COPS4: variants seen among roughly 807,000 people sequenced by gnomAD.
The protein encoded by COPS4 is COP9 signalosome subunit 4, also known as COP9 signalosome complex subunit 4.
In COPS4, 8 loss-of-function variants were observed where a neutral mutation model predicts 55.1. The ratio of observed to expected loss-of-function variants is 0.15; its 90% CI spans 0.09 to 0.26. COPS4 has a LOEUF of 0.26. Ranked by LOEUF, COPS4 falls within the 10% of genes least tolerant of loss-of-function variation. The probability of loss-of-function intolerance (pLI) is 1.00; values close to 1 mark genes in which losing one functional copy is unlikely to be tolerated. For synonymous variants in COPS4, 185 were observed against 165.7 expected (o/e 1.12, Z -0.90); for missense variants, 248 against 484.0 (o/e 0.51, Z 4.58).
chr4:83,072,530 A>T (rs536118372), intron 9 of COPS4, among the ~76,000 whole-genome samples: 4 of 151,822 alleles, frequency 2.6e-5, no homozygotes, highest in Non-Finnish European at 5.9e-5. Context: ...ATTAGGAAAG[A>T]CTCTTCTACC....
At chr4:83,045,537 G>A (rs533277618) in intron 1 of COPS4, 89 bp from the exon 2 acceptor site, 2 of 1,006,938 alleles carry the variant, frequency 2.0e-6, no homozygotes, top group South Asian at 1.4e-5. Flanking sequence ...AAGAAACCAA[G>A]GTATGTAGAA....
At chr4:83,054,932 C>G (rs1015158039) in intron 4 of COPS4, among the ~76,000 whole-genome samples, 1 of 151,976 alleles carries the variant, frequency 6.6e-6, no homozygotes, top group Non-Finnish European at 1.5e-5. Flanking sequence ...TTACACTTGG[C>G]AAAAAATTGG....
intron 9 of COPS4, among the ~76,000 whole-genome samples, chr4:83,071,799 C>T (rs1731437780): frequency 6.6e-6 from 1 of 151,964 alleles, no homozygotes; most frequent in South Asian, 2.1e-4. Flanking sequence ...GCAACCTCCA[C>T]CTCTTGGGTT....
rs746751702 is a variant in COPS4 at position 83,056,935 on chromosome 4, T to C, written c.420T>C (p.Asn140=). 7.6e-5 allele frequency: 123 copies of C among 1,612,156 alleles called. No individual in the cohort carries two copies. The Admixed American group carries it at 2.0e-3, about 26-fold the overall frequency. Residue 140 remains asparagine (N), a synonymous_variant, in exon 5 of 10, where the codon AAT becomes AAC. Coordinates refer to ENST00000264389, the MANE Select transcript of COPS4 (RefSeq NM_016129.3). ...TTCTGTTACATCCTAGACAGTACAA[T>C]GTAGATTATAAACTGGAGACTTACT... ...IPLETGQKQY[N]VDYKLETYLK... is the part of the protein sequence containing the mutation.
At chr4:83,045,736 T>A (rs775816410) in intron 2 of COPS4, 31 bp downstream of exon 2, 10 of 1,477,668 alleles carry the variant, frequency 6.8e-6, no homozygotes, top group Non-Finnish European at 9.5e-6. Context: ...ATGCTTGCCT[T>A]GTATTACTGA....
chr4:83,041,833 C>T (rs955813605), intron 1 of COPS4, among the ~76,000 whole-genome samples: 1 of 151,362 alleles, frequency 6.6e-6, no homozygotes, highest in South Asian at 2.1e-4. Context: ...TCAGTTTTAT[C>T]ATAACTTTTG....
intron 1 of COPS4, among the ~76,000 whole-genome samples, chr4:83,038,112 G>A (rs578220775): frequency 1.3e-5 from 2 of 152,310 alleles, no homozygotes; most frequent in East Asian, 3.9e-4. Flanking sequence ...AGCCACAACG[G>A]AGGATAGACT....
chr4:83,056,992 T>C lies in COPS4; in HGVS notation c.477T>C (p.Asp159=). The C allele has an allele frequency of 6.2e-7, 1 of 1,613,680 alleles. No homozygotes were observed. The highest frequency in any genetic ancestry group is 8.5e-7 in the Non-Finnish European group (1 of 1,179,566). Residue 159 remains aspartate, a synonymous_variant, in exon 5 of 10, where the codon GAT becomes GAC. Transcript: ENST00000264389. ...LKIARLYLED[D]DPVQAEAYIN... ...TTGCTAGGCTATATCTGGAGGATGA[T>C]GATCCAGTCCAGGCAGAGGCTTACA...
chr4:83,035,278 T>C lies in COPS4; in HGVS notation c.54T>C (p.Ser18=). The change falls in exon 1 of 10, where the codon TCT becomes TCC. Residue 18 remains serine (S), a synonymous_variant. Transcript: ENST00000264389. ...DLAQLMNSSG[S]HKDLAGKYRQ... ...CCCAGCTCATGAATTCGAGCGGCTC[T>C]CATAAAGATCTGGCTGGCAAGTGAG... is the stretch of plus-strand genomic sequence containing the variant. 1 of 1,566,668 alleles carries C rather than the reference T, an allele frequency of 6.4e-7. No individual in the cohort carries two copies. Among genetic ancestry groups the C allele is most frequent in the Non-Finnish European group, 8.7e-7 (1 of 1,149,708 alleles).
chr4:83,057,555 A>T lies in COPS4; in HGVS notation c.715+147A>T, dbSNP rs184004851. 16 of 581,958 alleles carry T rather than the reference A, an allele frequency of 2.7e-5. No individual in the cohort carries two copies. The African/African-American group carries it at 3.0e-4, about 11-fold the overall frequency. The allele number at this position is 581,958 out of a possible 1,614,324, so 36.0% of individuals were successfully genotyped here. On this transcript the variant is annotated intron_variant, in intron 6 of 9. Transcript: ENST00000264389. ...TATGGTAAATGTAGTTTAAGTGTTT[A>T]AAAACAGAAATAAAATGATTTGTTA...
intron 9 of COPS4, among the ~76,000 whole-genome samples, chr4:83,071,024 A>G (rs1470438485): frequency 6.6e-6 from 1 of 152,132 alleles, no homozygotes; most frequent in African/African-American, 2.4e-5. Context: ...CCCATGTCTC[A>G]ATTTGAATAT....
At chr4:83,036,130 C>T (rs1409600001) in intron 1 of COPS4, 2 of 152,070 alleles carry the variant, frequency 1.3e-5, no homozygotes, top group South Asian at 4.2e-4. Context: ...CTCTCTAGGC[C>T]GGGTGCAGTG....
intron 4 of COPS4, among the ~76,000 whole-genome samples, chr4:83,051,828 G>T (rs999444431): frequency 6.6e-6 from 1 of 152,204 alleles, no homozygotes; most frequent in Non-Finnish European, 1.5e-5. Flanking sequence ...ACTGAGTATA[G>T]TGAGGCCTGG....
At chr4:83,048,626 G>A (rs6850766) in intron 2 of COPS4, among the ~76,000 whole-genome samples, 151,530 of 152,220 alleles carry the variant, frequency 1, 75,421 homozygotes, top group Middle Eastern at 1. Flanking sequence ...TGTTTTTTAA[G>A]ATTTTTTAAT....
rs1328336252 is a variant in COPS4, at chr4:83,063,007, GT to G, written c.716-60del. On this transcript the variant is annotated intron_variant, in intron 6 of 9. Transcript: ENST00000264389. ...AGACAAAAATGAGGTCATAAGATAG[GT>G]TTTTTTTTCCTGAAGAAACATTGTG... 4.5e-5 allele frequency: 59 copies of G among 1,321,536 alleles called. No homozygotes were observed. The Middle Eastern group carries it at 8.2e-4, about 18-fold the overall frequency. 81.9% of individuals were successfully genotyped at this position (1,321,536 alleles called of 1,614,324 possible).
intron 7 of COPS4, among the ~76,000 whole-genome samples, chr4:83,063,832 C>T (rs1731233893): frequency 6.6e-6 from 1 of 152,068 alleles, no homozygotes; most frequent in Admixed American, 6.5e-5. Context: ...ACTTCAGCCT[C>T]CCAAGTAGCT....
At position 83,063,195 on chromosome 4, in the gene COPS4, C is replaced by A; in HGVS notation, c.835C>A (p.Gln279Lys). ...LDRIIRGNQLQEFAAMLMPHQ... is the reference protein window; with the variant it reads ...LDRIIRGNQLKEFAAMLMPHQ... ...TAGGATCATCAGAGGAAATCAACTTCAAGAATTTGCTGCCATGCTGATGCC... is the reference window on the plus strand; with the variant it reads ...TAGGATCATCAGAGGAAATCAACTTAAAGAATTTGCTGCCATGCTGATGCC... The change falls in exon 7 of 10, where the codon CAA becomes AAA. Residue 279 changes from glutamine (Q) to lysine (K), a missense_variant. Around this residue, in one of 4 missense-constraint regions of COPS4, gnomAD observed 155 missense variants for 326.6 expected, o/e 0.47. Transcript: ENST00000264389. 1 of 1,612,818 alleles carries A rather than the reference C, an allele frequency of 6.2e-7. No individual in the cohort carries two copies. Among genetic ancestry groups the A allele is most frequent in the South Asian group, 1.1e-5 (1 of 90,708 alleles).
intron 9 of COPS4, chr4:83,073,177 A>G (rs1274603176): frequency 1.6e-6 from 1 of 625,612 alleles, no homozygotes; most frequent in Admixed American, 2.3e-5. Flanking sequence ...CCCTTTAAGC[A>G]GTTACTCTCC....
chr4:83,052,312 G>C (rs140447068), intron 4 of COPS4, among the ~76,000 whole-genome samples: 32 of 152,312 alleles, frequency 2.1e-4, no homozygotes, highest in African/African-American at 7.7e-4. Context: ...TCTTGCAGGA[G>C]TAGACAAGAG....
Sources: allele counts gnomAD v4.1 joint callset (sites outside exome capture counted in the v4.1 genomes callset), GRCh38; gene constraint gnomAD v4.1.1; regional missense constraint gnomAD v4.1.1; transcripts MANE v1.5; gene names NCBI Gene and HGNC (gene_info 2026-07-23, HGNC 2026-07-21).